Variants in GABBR2 observed in about 807,000 individuals in gnomAD.
GABBR2 encodes G-protein coupled receptor 51.
In GABBR2, 23 loss-of-function variants were observed where a neutral mutation model predicts 105.6. The observed-to-expected ratio is 0.22, with a 90% CI of 0.16 to 0.31. The LOEUF is 0.31. Ranked by LOEUF, GABBR2 falls within the 10% of genes least tolerant of loss-of-function variation. GABBR2 has a pLI of 1.00. For synonymous variants in GABBR2, 478 were observed against 499.7 expected (o/e 0.96, Z 0.58); for missense variants, 734 against 1,245.5 (o/e 0.59, Z 6.18).
At chr9:98,556,398 T>A (rs1828584543) in intron 2 of GABBR2, among the ~76,000 whole-genome samples, 2 of 152,136 alleles carry the variant, frequency 1.3e-5, no homozygotes, top group South Asian at 2.1e-4. Flanking sequence ...GAGCCAACGC[T>A]TTCCACAGGC....
At chr9:98,680,156 T>C (rs1044007152) in intron 1 of GABBR2, among the ~76,000 whole-genome samples, 1 of 152,170 alleles carries the variant, frequency 6.6e-6, no homozygotes, top group African/African-American at 2.4e-5. Context: ...CAGAGGCATA[T>C]GAAACAGGTA....
rs986453847 is a variant in GABBR2, at chr9:98,683,669, GA to G, written c.321+24747del. On this transcript the variant is annotated intron_variant, in intron 1 of 18. Transcript: ENST00000259455. Reference sequence around the variant, plus strand: ...GAATGCGGCACCCTTGTTTAGAAGAGAAAAAAAAAACCAACAACTAGAAACA... The same window carrying G: ...GAATGCGGCACCCTTGTTTAGAAGAGAAAAAAAAACCAACAACTAGAAACA... Among the ~76,000 whole-genome samples, 35 of 147,976 alleles carry G rather than the reference GA, an allele frequency of 2.4e-4. No homozygotes were observed. The East Asian group carries it at 3.6e-3, about 15-fold the overall frequency.
chr9:98,654,553 G>C (rs557905659), intron 1 of GABBR2, among the ~76,000 whole-genome samples: 2 of 152,348 alleles, frequency 1.3e-5, no homozygotes, highest in South Asian at 4.1e-4. Flanking sequence ...GATGGGTGCT[G>C]TGGAAAAGCA....
chr9:98,535,038 C>A (rs947370246), intron 3 of GABBR2, among the ~76,000 whole-genome samples: 1 of 151,968 alleles, frequency 6.6e-6, no homozygotes, highest in African/African-American at 2.4e-5. Context: ...TACAGTTGAC[C>A]CTTGGTAACC....
At chr9:98,504,693 T>C (rs1431455930) in intron 3 of GABBR2, among the ~76,000 whole-genome samples, 3 of 152,188 alleles carry the variant, frequency 2.0e-5, no homozygotes. Flanking sequence ...TAATTATAGA[T>C]TTACTTCTAT....
chr9:98,386,553 C>T (rs1832075760), intron 10 of GABBR2, among the ~76,000 whole-genome samples: 1 of 152,166 alleles, frequency 6.6e-6, no homozygotes, highest in Non-Finnish European at 1.5e-5. Flanking sequence ...CCAGACGCTG[C>T]ATCCTTCTCT....
Position 98,618,802 on chromosome 9 carries a change from AGAAGAGACAG to A in GABBR2, c.322-40740_322-40731del, listed in dbSNP as rs1439919230. 1.3e-3 allele frequency among the ~76,000 whole-genome samples: 3 copies of A among 2,256 alleles called. No homozygotes were observed. The East Asian group carries it at 0.016, about 12-fold the overall frequency. The allele number at this position is 2,256 out of a possible 152,430, so 1.5% of individuals were successfully genotyped here. On this transcript the variant is annotated intron_variant, in intron 1 of 18. Coordinates refer to ENST00000259455, the MANE Select transcript of GABBR2 (RefSeq NM_005458.8). Reference sequence around the variant, plus strand: ...GATGTAATCATGACAGAAAGACTCCAGAAGAGACAGGCCCAGAGGAGAAAGTGAGGCACCA... The same window carrying A: ...GATGTAATCATGACAGAAAGACTCCAGCCCAGAGGAGAAAGTGAGGCACCA...
chr9:98,319,507 CA>C (rs1830782666), intron 13 of GABBR2, among the ~76,000 whole-genome samples: 1 of 151,454 alleles, frequency 6.6e-6, no homozygotes, highest in Admixed American at 6.6e-5. Flanking sequence ...GATCACCCAC[CA>C]GGGTTTCTCA....
chr9:98,702,675 C>A (rs1830846070), intron 1 of GABBR2, among the ~76,000 whole-genome samples: 1 of 152,210 alleles, frequency 6.6e-6, no homozygotes, highest in Non-Finnish European at 1.5e-5. Flanking sequence ...GAGACCCTTC[C>A]TGGTATCCAA....
chr9:98,703,095 C>A (rs1292075626), intron 1 of GABBR2, among the ~76,000 whole-genome samples: 2 of 152,214 alleles, frequency 1.3e-5, no homozygotes, highest in African/African-American at 4.8e-5. Context: ...GAGACTTTCG[C>A]TGAAACAGTT....
intron 1 of GABBR2, among the ~76,000 whole-genome samples, chr9:98,623,497 C>A (rs1225511288): frequency 6.6e-6 from 1 of 152,194 alleles, no homozygotes; most frequent in Non-Finnish European, 1.5e-5. Context: ...GTTTTGAAGG[C>A]CAGAATCCAA....
At chr9:98,441,265 A>G (rs1826025978) in intron 7 of GABBR2, among the ~76,000 whole-genome samples, 1 of 151,572 alleles carries the variant, frequency 6.6e-6, no homozygotes, top group Non-Finnish European at 1.5e-5. Flanking sequence ...ACAGCTAAAT[A>G]AAATTGCTCT....
At chr9:98,603,957 T>C (rs1300859054) in intron 1 of GABBR2, among the ~76,000 whole-genome samples, 2 of 152,204 alleles carry the variant, frequency 1.3e-5, no homozygotes, top group African/African-American at 4.8e-5. Flanking sequence ...TCACCTAGAA[T>C]TCAGATGTGT....
At chr9:98,670,507 G>T (rs1830394441) in intron 1 of GABBR2, among the ~76,000 whole-genome samples, 1 of 152,214 alleles carries the variant, frequency 6.6e-6, no homozygotes, top group South Asian at 2.1e-4. Context: ...TGGAAAGCAA[G>T]ATTCCAAACA....
intron 1 of GABBR2, among the ~76,000 whole-genome samples, chr9:98,656,852 G>A (rs1232512486): frequency 2.0e-5 from 3 of 152,174 alleles, no homozygotes; most frequent in African/African-American, 7.2e-5. Context: ...GGGAAGTCCA[G>A]ACAAGAAGGG....
intron 7 of GABBR2, among the ~76,000 whole-genome samples, chr9:98,443,504 G>A (rs1826069367): frequency 6.6e-6 from 1 of 152,146 alleles, no homozygotes; most frequent in South Asian, 2.1e-4. Flanking sequence ...AATTAAAGGG[G>A]GAAGGGCAGC....
At chr9:98,478,634 G>C (rs1826846000) in intron 5 of GABBR2, among the ~76,000 whole-genome samples, 1 of 152,172 alleles carries the variant, frequency 6.6e-6, no homozygotes, top group African/African-American at 2.4e-5. Context: ...AGGGGGCTTT[G>C]GGTTGAAAGG....
rs1463038435 is a variant in GABBR2 at position 98,302,971 on chromosome 9, CCT to C, written c.2412+268_2412+269del. ...GATAATCCAGAAGCTCACAAATCTC[CCT>C]GAGTTCCTTTCTGTCTGGGGATGGC... On this transcript the variant is annotated intron_variant, in intron 16 of 18. Coordinates refer to ENST00000259455, the MANE Select transcript of GABBR2 (RefSeq NM_005458.8). 8 of 440,294 alleles carry C rather than the reference CCT, an allele frequency of 1.8e-5. No homozygotes were observed. In the Admixed American group the frequency reaches 2.4e-4, roughly 13 times the overall value. 27.3% of individuals were successfully genotyped at this position (440,294 alleles called of 1,614,324 possible). A position where few individuals can be genotyped will look rare whatever the true frequency, so the allele number is the denominator to read the frequency against.
chr9:98,596,055 G>A (rs960325666), intron 1 of GABBR2, among the ~76,000 whole-genome samples: 1 of 152,246 alleles, frequency 6.6e-6, no homozygotes, highest in Non-Finnish European at 1.5e-5. Context: ...TGTTGGGGAA[G>A]GCCCATGGAG....
Sources: allele counts gnomAD v4.1 joint callset (sites outside exome capture counted in the v4.1 genomes callset), GRCh38; gene constraint gnomAD v4.1.1; transcripts MANE v1.5; gene names NCBI Gene and HGNC (gene_info 2026-07-23, HGNC 2026-07-21).